RHOJ: variants seen among roughly 807,000 people sequenced by gnomAD.
RHOJ encodes the protein rho-related GTP-binding protein RhoJ.
A neutral mutation model predicts 23.4 loss-of-function variants in RHOJ; 11 were observed. The observed-to-expected ratio is 0.47, with a 90% CI of 0.30 to 0.78. The LOEUF (loss-of-function observed/expected upper bound fraction) is 0.78, where lower values mean the gene tolerates loss of function less well. RHOJ is among the 30% of genes least tolerant of loss of function. The probability of loss-of-function intolerance (pLI) is 0.08; values close to 1 mark genes in which losing one functional copy is unlikely to be tolerated. For synonymous variants in RHOJ, 102 were observed against 102.7 expected, an observed-to-expected ratio of 0.99 and a Z score of 0.04; for missense variants, 254 against 273.4, an observed-to-expected ratio of 0.93 and a Z score of 0.50.
intron 1 of RHOJ, among the ~76,000 whole-genome samples, chr14:63,235,206 T>C (rs939219113): frequency 6.9e-6 from 1 of 145,708 alleles, no homozygotes; most frequent in South Asian, 2.2e-4. Context: ...TTTCCTGGAC[T>C]CCAAAAAAAA....
chr14:63,230,682 C>T (rs1301224101), intron 1 of RHOJ, among the ~76,000 whole-genome samples: 1 of 134,822 alleles, frequency 7.4e-6, no homozygotes, highest in African/African-American at 3.3e-5. Context: ...ATACATTGCA[C>T]ACACATATGT....
intron 1 of RHOJ, among the ~76,000 whole-genome samples, chr14:63,207,908 AT>A (rs1894149184): frequency 6.6e-6 from 1 of 152,224 alleles, no homozygotes; most frequent in Non-Finnish European, 1.5e-5. Flanking sequence ...CATGGTAGCT[AT>A]TAAGAATACA....
intron 1 of RHOJ, among the ~76,000 whole-genome samples, chr14:63,209,455 T>C (rs1042851157): frequency 6.6e-6 from 1 of 151,926 alleles, no homozygotes; most frequent in African/African-American, 2.4e-5. Flanking sequence ...CTTGAAGAGT[T>C]TGTACTTGCT....
chr14:63,235,057 G>C (rs17224463), intron 1 of RHOJ, among the ~76,000 whole-genome samples: 8,174 of 152,152 alleles, frequency 0.054, 261 homozygotes, highest in East Asian at 0.11. Context: ...TCTATGCTAA[G>C]GTGAAAGCAC....
At chr14:63,271,107 A>G (rs1242557326) in intron 2 of RHOJ, among the ~76,000 whole-genome samples, 1 of 152,222 alleles carries the variant, frequency 6.6e-6, no homozygotes, top group African/African-American at 2.4e-5. Flanking sequence ...GAATGGCCCA[A>G]ACCTCTGACA....
At chr14:63,209,592 C>T (rs1894188990) in intron 1 of RHOJ, among the ~76,000 whole-genome samples, 1 of 152,220 alleles carries the variant, frequency 6.6e-6, no homozygotes, top group African/African-American at 2.4e-5. Context: ...CCACATCTTT[C>T]ATTATAATAG....
At chr14:63,211,786 A>C (rs1257242913) in intron 1 of RHOJ, among the ~76,000 whole-genome samples, 1 of 152,086 alleles carries the variant, frequency 6.6e-6, no homozygotes, top group African/African-American at 2.4e-5. Flanking sequence ...CATTTTCTCA[A>C]CTTTCCTGAT....
Position 63,291,249 on chromosome 14 carries a change from C to T in RHOJ, c.*225C>T. 1 of 567,228 alleles carries T rather than the reference C, an allele frequency of 1.8e-6. No homozygotes were observed. The highest frequency in any genetic ancestry group is 3.2e-6 in the Non-Finnish European group (1 of 314,072). 35.1% of individuals were successfully genotyped at this position (567,228 alleles called of 1,614,324 possible). On this transcript the variant is annotated 3_prime_UTR_variant, in exon 5 of 5. Coordinates refer to ENST00000316754, the MANE Select transcript of RHOJ (RefSeq NM_020663.5). Reference sequence around the variant, plus strand: ...CCGTACTGCACGCTGTCTGAGAATGCTGGGCCTGGATTGCAGACAGTGCCG... The same window carrying T: ...CCGTACTGCACGCTGTCTGAGAATGTTGGGCCTGGATTGCAGACAGTGCCG...
At chr14:63,235,423 G>T (rs561630944) in intron 1 of RHOJ, among the ~76,000 whole-genome samples, 1 of 152,144 alleles carries the variant, frequency 6.6e-6, no homozygotes, top group African/African-American at 2.4e-5. Flanking sequence ...TAGTGCTACT[G>T]TGGTTATCTA....
chr14:63,234,876 A>G (rs1395826471), intron 1 of RHOJ, among the ~76,000 whole-genome samples: 1 of 152,312 alleles, frequency 6.6e-6, no homozygotes, highest in East Asian at 1.9e-4. Context: ...CAACATTCCA[A>G]TCATTTGCTA....
At position 63,293,394 on chromosome 14, in the gene RHOJ, A is replaced by C. The variant is rs548973770; in HGVS notation, c.*2370A>C. On this transcript the variant is annotated 3_prime_UTR_variant, in exon 5 of 5. Coordinates refer to ENST00000316754, the MANE Select transcript of RHOJ (RefSeq NM_020663.5). Reference sequence around the variant, plus strand: ...AGGAAGTAAGTTGATCTTGATGGGGAGATCACGTCACCCAGAACCAGCAAC... The same window carrying C: ...AGGAAGTAAGTTGATCTTGATGGGGCGATCACGTCACCCAGAACCAGCAAC... Among the ~76,000 whole-genome samples, 51 of 152,322 alleles carry C rather than the reference A, an allele frequency of 3.3e-4. No homozygotes were observed. The highest frequency in any genetic ancestry group is 1.1e-3 in the African/African-American group (47 of 41,574).
At chr14:63,217,202 G>C (rs111985236) in intron 1 of RHOJ, among the ~76,000 whole-genome samples, 8,172 of 149,880 alleles carry the variant, frequency 0.055, 279 homozygotes, top group Non-Finnish European at 0.057. Context: ...TCGTCATCTA[G>C]CATTAGGTAT....
At chr14:63,210,533 AC>A (rs1443010852) in intron 1 of RHOJ, among the ~76,000 whole-genome samples, 1 of 152,156 alleles carries the variant, frequency 6.6e-6, no homozygotes, top group East Asian at 1.9e-4. Flanking sequence ...TGCCTAAGAA[AC>A]AACCCTGGGC....
chr14:63,287,623 T>C (rs1051649156), intron 4 of RHOJ, among the ~76,000 whole-genome samples: 1 of 151,522 alleles, frequency 6.6e-6, no homozygotes, highest in Non-Finnish European at 1.5e-5. Flanking sequence ...TTCTTATCAC[T>C]CTTGTATCTT....
intron 1 of RHOJ, among the ~76,000 whole-genome samples, chr14:63,234,604 A>C (rs1028506001): frequency 2.6e-5 from 4 of 152,214 alleles, no homozygotes; most frequent in African/African-American, 9.7e-5. Flanking sequence ...AAGCCTTTGA[A>C]TATATAACCC....
At chr14:63,208,381 T>C (rs1389660263) in intron 1 of RHOJ, among the ~76,000 whole-genome samples, 1 of 152,212 alleles carries the variant, frequency 6.6e-6, no homozygotes, top group Non-Finnish European at 1.5e-5. Context: ...ATCTCTAGGA[T>C]CTTCCACTAT....
Position 63,268,990 on chromosome 14 carries a change from C to T in RHOJ, c.179-120C>T, listed in dbSNP as rs1030608449. On this transcript the variant is annotated intron_variant, in intron 1 of 4. Coordinates refer to ENST00000316754, the MANE Select transcript of RHOJ (RefSeq NM_020663.5). The stretch of plus-strand genomic sequence containing the variant: ...CAACTTGGTTTAGAATGTACATGAG[C>T]GAGGCATATGCTTCTTCTTGCTGCC... 9 of 688,460 alleles carry T rather than the reference C, an allele frequency of 1.3e-5. No individual in the cohort carries two copies. In the Admixed American group the frequency reaches 1.8e-4, roughly 14 times the overall value. 42.6% of individuals were successfully genotyped at this position (688,460 alleles called of 1,614,324 possible). A position where few individuals can be genotyped will look rare whatever the true frequency, so the allele number is the denominator to read the frequency against.
At chr14:63,222,227 A>G (rs1319428409) in intron 1 of RHOJ, among the ~76,000 whole-genome samples, 3 of 152,036 alleles carry the variant, frequency 2.0e-5, no homozygotes, top group Non-Finnish European at 4.4e-5. Context: ...TCTATCATTG[A>G]TGGACATTTG....
intron 1 of RHOJ, among the ~76,000 whole-genome samples, chr14:63,209,736 C>T (rs1894191493): frequency 6.6e-6 from 1 of 152,162 alleles, no homozygotes; most frequent in South Asian, 2.1e-4. Context: ...TATGTCTTTG[C>T]AATCTTAGTC....
Sources: allele counts gnomAD v4.1 joint callset (sites outside exome capture counted in the v4.1 genomes callset), GRCh38; gene constraint gnomAD v4.1.1; transcripts MANE v1.5; gene names NCBI Gene and HGNC (gene_info 2026-07-23, HGNC 2026-07-21).